NAA20: variants seen among roughly 807,000 people sequenced by gnomAD.
NAA20 encodes the protein N-alpha-acetyltransferase 20, NatB catalytic subunit.
In NAA20, 24 loss-of-function variants were observed where a neutral mutation model predicts 23.8. That is an observed-to-expected ratio of 1.01 (90% confidence interval 0.73 to 1.42). The LOEUF is 1.42. Ranked by LOEUF, NAA20 falls within the 40% of genes most tolerant of loss-of-function variation. The probability of loss-of-function intolerance (pLI) is 0.00; values close to 1 mark genes in which losing one functional copy is unlikely to be tolerated. For synonymous variants in NAA20, 83 were observed against 77.7 expected (o/e 1.07, Z -0.36); for missense variants, 166 against 223.1 (o/e 0.74, Z 1.63).
At chr20:20,017,566 C>G in intron 1 of NAA20, 117 bp downstream of exon 1, 2 of 1,389,238 alleles carry the variant, frequency 1.4e-6, no homozygotes, top group Non-Finnish European at 1.9e-6. Context: ...CGGGGACCCG[C>G]GAGAACCACC....
In NAA20 at chr20:20,026,858, G is replaced by C. The variant is rs1488993185; in HGVS notation, c.244G>C (p.Glu82Gln). 1 of 1,614,058 alleles carries C rather than the reference G, an allele frequency of 6.2e-7. No individual in the cohort carries two copies. The highest frequency in any genetic ancestry group is 8.5e-7 in the Non-Finnish European group (1 of 1,180,036). ...GHVTALSVAPEFRRLGLAAKL... is the reference protein window; with the variant it reads ...GHVTALSVAPQFRRLGLAAKL... ...CGTCACAGCTCTGTCTGTTGCCCCA[G>C]AATTTCGACGCCTTGGTTTGGCTGC... The change falls in exon 4 of 6, where the codon GAA becomes CAA. Residue 82 changes from glutamate to glutamine, a missense_variant. Glu to Gln is a conservative substitution (Grantham distance 29). Coordinates refer to ENST00000334982, the MANE Select transcript of NAA20 (RefSeq NM_016100.5).
Position 20,022,411 on chromosome 20 carries a change from A to T in NAA20, c.54-45A>T, listed in dbSNP as rs753977666. The T allele has an allele frequency of 4.5e-6, 7 of 1,556,598 alleles. No individual in the cohort carries two copies. In the Admixed American group the frequency reaches 1.4e-4, roughly 31 times the overall value. On this transcript the variant is annotated intron_variant, in intron 1 of 5. Coordinates refer to ENST00000334982, the MANE Select transcript of NAA20 (RefSeq NM_016100.5). Reference sequence around the variant, plus strand: ...TTTAGCAGGCTTATTTCAACTGGTTATTGTAAACGCTGCTTACTAGAGACA... The same window carrying T: ...TTTAGCAGGCTTATTTCAACTGGTTTTTGTAAACGCTGCTTACTAGAGACA...
In NAA20 at chr20:20,026,805, C is replaced by T. The variant is rs377325433; in HGVS notation, c.191C>T (p.Ser64Leu). ...GCAGTTATGGGTAAAGCAGAAGGCT[C>T]AGTAGCTAGGGAAGAATGGCACGGG... ...MGYIMGKAEG[S>L]VAREEWHGHV... is the part of the protein sequence containing the mutation. The change falls in exon 4 of 6, where the codon TCA (serine) becomes TTA (leucine). Residue 64 changes from serine to leucine, a missense_variant. Coordinates refer to ENST00000334982, the MANE Select transcript of NAA20 (RefSeq NM_016100.5). 2 of 1,614,104 alleles carry T rather than the reference C, an allele frequency of 1.2e-6. No homozygotes were observed. The highest frequency in any genetic ancestry group is 2.2e-5 in the South Asian group (2 of 91,078).
chr20:20,027,142 T>C (rs2043312223), intron 4 of NAA20, among the ~76,000 whole-genome samples: 1 of 152,232 alleles, frequency 6.6e-6, no homozygotes, highest in Non-Finnish European at 1.5e-5. Context: ...TATAGGCCTA[T>C]AAGCTGAGGA....
At chr20:20,029,580 G>A (rs2043328508) in intron 4 of NAA20, among the ~76,000 whole-genome samples, 1 of 146,738 alleles carries the variant, frequency 6.8e-6, no homozygotes, top group Admixed American at 6.9e-5. Flanking sequence ...TCACGCCATT[G>A]CACTCCAGCC....
Position 20,025,743 on chromosome 20 carries a change from C to A in NAA20, c.145C>A (p.Pro49Thr), listed in dbSNP as rs146669267. ...AGAGTATTTCATTGTTGCAGAGGCA[C>A]CTGGTGGAGAATTAATGGGTTATAG... is the stretch of plus-strand genomic sequence containing the variant. ...WPEYFIVAEA[P>T]GGELMGYIMG... The change falls in exon 3 of 6, where the codon CCT (proline) becomes ACT (threonine). Residue 49 changes from proline to threonine, a missense_variant. Pro to Thr is a conservative substitution (Grantham distance 38). Coordinates refer to ENST00000334982, the MANE Select transcript of NAA20 (RefSeq NM_016100.5). The A allele has an allele frequency of 2.5e-6, 4 of 1,608,974 alleles. No individual in the cohort carries two copies. Among genetic ancestry groups the A allele is most frequent in the Non-Finnish European group, 3.4e-6 (4 of 1,175,560 alleles).
intron 2 of NAA20, 58 bp downstream of exon 2, chr20:20,022,538 A>G: frequency 6.9e-7 from 1 of 1,448,116 alleles, no homozygotes; most frequent in Non-Finnish European, 9.3e-7. Context: ...AATAAAGAAA[A>G]CAGAAATGAA....
At chr20:20,025,639 C>A in intron 2 of NAA20, 38 bp from the exon 3 acceptor site, 1 of 1,461,154 alleles carries the variant, frequency 6.8e-7, no homozygotes, top group African/African-American at 1.4e-5. Context: ...GAACTTTTTA[C>A]TGTCCATTAC....
At chr20:20,019,043 C>G (rs1368977803) in intron 1 of NAA20, among the ~76,000 whole-genome samples, 1 of 152,232 alleles carries the variant, frequency 6.6e-6, no homozygotes, top group Non-Finnish European at 1.5e-5. Flanking sequence ...GGCTCACCCT[C>G]TCTTTAAAGT....
intron 2 of NAA20, among the ~76,000 whole-genome samples, chr20:20,023,807 T>G (rs1425968334): frequency 6.6e-6 from 1 of 152,186 alleles, no homozygotes; most frequent in African/African-American, 2.4e-5. Flanking sequence ...ATGATAAACC[T>G]CAGTGCTGAT....
At chr20:20,017,883 C>T (rs1306177755) in intron 1 of NAA20, 1 of 1,587,846 alleles carries the variant, frequency 6.3e-7, no homozygotes, top group Non-Finnish European at 8.5e-7. Flanking sequence ...GCACCGCCGA[C>T]GGCCAGGCCG....
intron 2 of NAA20, among the ~76,000 whole-genome samples, chr20:20,023,320 A>C (rs2043284545): frequency 6.6e-6 from 1 of 151,906 alleles, no homozygotes; most frequent in East Asian, 1.9e-4. Flanking sequence ...CTCAAAAAAA[A>C]AAAAAAAAGG....
chr20:20,023,356 A>G (rs2043285320), intron 2 of NAA20, among the ~76,000 whole-genome samples: 1 of 151,512 alleles, frequency 6.6e-6, no homozygotes, highest in Non-Finnish European at 1.5e-5. Context: ...AATGCCACAC[A>G]GGCCCGCTCT....
chr20:20,029,640 T>C (rs1399227828), intron 4 of NAA20, among the ~76,000 whole-genome samples: 1 of 150,860 alleles, frequency 6.6e-6, no homozygotes, highest in Non-Finnish European at 1.5e-5. Context: ...AAAATAGCGA[T>C]TTAAAATGGT....
chr20:20,018,167 GGA>G, intron 1 of NAA20: 8 of 1,415,954 alleles, frequency 5.6e-6, no homozygotes, highest in Non-Finnish European at 6.9e-6. Context: ...CAGTTTCTTT[GGA>G]TTCGAGTTAA....
In NAA20 at chr20:20,033,562, T is replaced by C. The variant is rs1338227724; in HGVS notation, c.*375T>C. 6.0e-6 allele frequency: 1 copy of C among 165,950 alleles called. No individual in the cohort carries two copies. The highest frequency in any genetic ancestry group is 1.3e-5 in the Non-Finnish European group (1 of 76,358). 10.3% of individuals were successfully genotyped at this position (165,950 alleles called of 1,614,324 possible). On this transcript the variant is annotated 3_prime_UTR_variant, in exon 6 of 6. Transcript: ENST00000334982. ...TTTAAATTTTGTATTGAACTGTTAATTGAAGCTTTAAAAGCATATATGAAA... is the reference window on the plus strand; with the variant it reads ...TTTAAATTTTGTATTGAACTGTTAACTGAAGCTTTAAAAGCATATATGAAA...
rs1481788770 is a variant in NAA20, at chr20:20,026,831, C to G, written c.217C>G (p.His73Asp). 1 of 1,614,156 alleles carries G rather than the reference C, an allele frequency of 6.2e-7. No homozygotes were observed. The highest frequency in any genetic ancestry group is 1.7e-5 in the Admixed American group (1 of 60,016). ...GSVAREEWHG[H>D]VTALSVAPEF... is the part of the protein sequence containing the mutation. ...AGTAGCTAGGGAAGAATGGCACGGG[C>G]ACGTCACAGCTCTGTCTGTTGCCCC... The change falls in exon 4 of 6, where the codon CAC becomes GAC. Residue 73 changes from histidine to aspartate, a missense_variant. Physicochemically the swap from His to Asp is moderately conservative, Grantham distance 81. Coordinates refer to ENST00000334982, the MANE Select transcript of NAA20 (RefSeq NM_016100.5).
intron 1 of NAA20, among the ~76,000 whole-genome samples, chr20:20,019,353 G>A (rs574625042): frequency 7.9e-5 from 12 of 152,284 alleles, no homozygotes; most frequent in African/African-American, 2.9e-4. Flanking sequence ...ACTTGACAGA[G>A]GCTTCAGTTT....
intron 1 of NAA20, chr20:20,017,994 A>G (rs1476165223): frequency 1.2e-6 from 2 of 1,614,076 alleles, no homozygotes; most frequent in East Asian, 2.2e-5. Context: ...TCCAAATGAA[A>G]TGACACTGAT....
Sources: allele counts gnomAD v4.1 joint callset (sites outside exome capture counted in the v4.1 genomes callset), GRCh38; gene constraint gnomAD v4.1.1; transcripts MANE v1.5; gene names NCBI Gene and HGNC (gene_info 2026-07-23, HGNC 2026-07-21).